METTL13: variants seen among roughly 807,000 people sequenced by gnomAD.
METTL13 encodes eEF1A lysine and N-terminal methyltransferase.
METTL13 carries 52 observed loss-of-function variants against 67.4 expected under a neutral mutation model. That is an observed-to-expected ratio of 0.77 (90% CI 0.62 to 0.97). METTL13 has a LOEUF of 0.97. METTL13 is among the 50% of genes least tolerant of loss of function. METTL13 has a pLI of 0.00. For missense variants in METTL13, 825 were observed against 889.6 expected (o/e 0.93, Z 0.92); for synonymous variants, 354 against 353.6 (o/e 1.00, Z -0.01).
chr1:171,785,878 G>T lies in METTL13; in HGVS notation c.914-1G>T, dbSNP rs1656990994. On this transcript the variant is annotated splice_acceptor_variant, in intron 2 of 7. Coordinates refer to ENST00000361735, the MANE Select transcript of METTL13 (RefSeq NM_015935.5). LOFTEE classifies it high-confidence loss of function. ...CCCTGTAACCAAGTTCTTTTTTCTAGTCCCTCAGGGCCGGGAGACCGAGTG... is the reference window on the plus strand; with the variant it reads ...CCCTGTAACCAAGTTCTTTTTTCTATTCCCTCAGGGCCGGGAGACCGAGTG... The T allele has an allele frequency of 6.2e-7, 1 of 1,612,164 alleles. No individual in the cohort carries two copies. Among genetic ancestry groups the T allele is most frequent in the Admixed American group, 1.7e-5 (1 of 59,924 alleles).
At chr1:171,788,741 G>A (rs181126615) in intron 4 of METTL13, among the ~76,000 whole-genome samples, 138 of 152,264 alleles carry the variant, frequency 9.1e-4, no homozygotes, top group Non-Finnish European at 1.7e-3. Context: ...TCACCTCTCC[G>A]TCTCCAGTGC....
At position 171,786,076 on chromosome 1, in the gene METTL13, C is replaced by G. The variant is rs191078913; in HGVS notation, c.1111C>G (p.Gln371Glu). 38 of 1,611,864 alleles carry G rather than the reference C, an allele frequency of 2.4e-5. 1 individual carries two copies. The African/African-American group carries it at 4.3e-4, about 18-fold the overall frequency. The change falls in exon 3 of 8, where the codon CAG (glutamine) becomes GAG (glutamate). Residue 371 changes from glutamine (Q) to glutamate (E), a missense_variant and splice_region_variant. Transcript: ENST00000361735. ...LAPAGMPTQQ[Q>E]VPFLSVGGDI... The stretch of plus-strand genomic sequence containing the variant: ...CCCAGCTGGGATGCCCACCCAGCAG[C>G]AGGTAACAAAGCTTTCGTACGGCTT...
At chr1:171,791,923 C>A in intron 5 of METTL13, 94 bp from the exon 6 acceptor site, 1 of 1,260,942 alleles carries the variant, frequency 7.9e-7, no homozygotes, top group Non-Finnish European at 1.1e-6. Context: ...TGAATGGAGA[C>A]AGTGAGCTGA....
At chr1:171,787,499 C>A (rs751472339) in intron 3 of METTL13, among the ~76,000 whole-genome samples, 5 of 152,246 alleles carry the variant, frequency 3.3e-5, no homozygotes, top group Admixed American at 1.3e-4. Flanking sequence ...AGCTGCATCT[C>A]ACTAGTTGTT....
chr1:171,789,430 G>A (rs905807233), intron 4 of METTL13, among the ~76,000 whole-genome samples: 2 of 152,122 alleles, frequency 1.3e-5, no homozygotes, highest in African/African-American at 4.8e-5. Flanking sequence ...GCAAAGGTTG[G>A]TAGTGCTACC....
At chr1:171,791,628 G>T (rs1425502885) in intron 5 of METTL13, among the ~76,000 whole-genome samples, 12 of 152,084 alleles carry the variant, frequency 7.9e-5, no homozygotes, top group Admixed American at 7.9e-4. Context: ...ACCATGCCCA[G>T]TTAATTTTTC....
rs1656908059 is a variant in METTL13, at chr1:171,783,874, C to T, written c.288C>T (p.Pro96=). The change falls in exon 2 of 8, where the codon CCC becomes CCT. Residue 96 remains proline (P), a synonymous_variant. Transcript: ENST00000361735. ...QMKECNATRR[P]QMSFLKMDMT... ...AGGAATGTAATGCCACCCGACGGCC[C>T]CAGATGAGCTTCTTGAAGATGGACA... 2 of 1,614,170 alleles carry T rather than the reference C, an allele frequency of 1.2e-6. No individual in the cohort carries two copies. The highest frequency in any genetic ancestry group is 2.2e-5 in the South Asian group (2 of 91,072).
intron 5 of METTL13, among the ~76,000 whole-genome samples, chr1:171,791,358 G>A (rs1203068477): frequency 1.3e-5 from 2 of 152,158 alleles, no homozygotes; most frequent in Admixed American, 6.5e-5. Context: ...CTGAGAAGAC[G>A]GTGTGGCCTT....
rs1190494891 is a variant in METTL13 at position 171,786,051 on chromosome 1, C to T, written c.1086C>T (p.Ala362=). 1 of 1,613,536 alleles carries T rather than the reference C, an allele frequency of 6.2e-7. No homozygotes were observed. Among genetic ancestry groups the T allele is most frequent in the Admixed American group, 1.7e-5 (1 of 59,992 alleles). Residue 362 remains alanine, a synonymous_variant, in exon 3 of 8, where the codon GCC becomes GCT. Transcript: ENST00000361735. ...TGTCGGCTAGAGTCATGGAGCTGGC[C>T]CCAGCTGGGATGCCCACCCAGCAGC... is the stretch of plus-strand genomic sequence containing the variant. ...AELSARVMEL[A]PAGMPTQQQV...
chr1:171,794,253 T>G, intron 6 of METTL13, 143 bp from the exon 7 acceptor site: 2 of 1,244,482 alleles, frequency 1.6e-6, no homozygotes, highest in Non-Finnish European at 2.2e-6. Context: ...ATCAGTGCCC[T>G]TACAGGCAAA....
At position 171,796,897 on chromosome 1, in the gene METTL13, T is replaced by C. The variant is rs1394074169; in HGVS notation, c.*141T>C. ...ACTCAGCTACATGTGACCTCCAGCTTGGTGAGGTTGCCTGAAGATTAGGGA... is the reference window on the plus strand; with the variant it reads ...ACTCAGCTACATGTGACCTCCAGCTCGGTGAGGTTGCCTGAAGATTAGGGA... On this transcript the variant is annotated 3_prime_UTR_variant, in exon 8 of 8. Transcript: ENST00000361735. The C allele has an allele frequency of 9.1e-7, 1 of 1,096,194 alleles. No homozygotes were observed. Among genetic ancestry groups the C allele is most frequent in the Non-Finnish European group, 1.3e-6 (1 of 779,328 alleles). The allele number at this position is 1,096,194 out of a possible 1,614,324, so 67.9% of individuals were successfully genotyped here.
intron 4 of METTL13, among the ~76,000 whole-genome samples, 187 bp from the exon 5 acceptor site, chr1:171,790,264 AG>A (rs778755678): frequency 1.3e-5 from 2 of 152,204 alleles, no homozygotes; most frequent in Non-Finnish European, 2.9e-5. Flanking sequence ...TGAGATTTGT[AG>A]GGGACAAACA....
Position 171,781,668 on chromosome 1 carries a change from A to G in METTL13, c.-300A>G. ...GAATCACGAGGCTTCGCACCCGGAT[A>G]TGGTTATGGGCTCGGAAATCTAGTT... is the stretch of plus-strand genomic sequence containing the variant. On this transcript the variant is annotated 5_prime_UTR_variant, in exon 1 of 8. The change creates a new upstream start codon in the 5' untranslated region. Transcript: ENST00000361735. The G allele has an allele frequency of 1.4e-6, 1 of 739,512 alleles. No homozygotes were observed. Among genetic ancestry groups the G allele is most frequent in the Non-Finnish European group, 1.8e-6 (1 of 560,590 alleles). 45.8% of individuals were successfully genotyped at this position (739,512 alleles called of 1,614,324 possible).
At chr1:171,790,686 T>C in intron 5 of METTL13, 70 bp downstream of exon 5, 1 of 1,358,880 alleles carries the variant, frequency 7.4e-7, no homozygotes. Flanking sequence ...TTGGTGTCAC[T>C]TGCATTGTAG....
At chr1:171,784,584 G>C in intron 2 of METTL13, 85 bp downstream of exon 2, 5 of 1,396,372 alleles carry the variant, frequency 3.6e-6, no homozygotes, top group Non-Finnish European at 4.6e-6. Flanking sequence ...CTGAGGCTGG[G>C]CTGGGGCTTT....
intron 6 of METTL13, among the ~76,000 whole-genome samples, chr1:171,792,436 A>G (rs1657239933): frequency 6.6e-6 from 1 of 152,260 alleles, no homozygotes; most frequent in South Asian, 2.1e-4. Context: ...ATGTAAAGCA[A>G]TAAGTAAAAC....
intron 1 of METTL13, 61 bp downstream of exon 1, chr1:171,782,181 G>T: frequency 6.9e-7 from 1 of 1,452,662 alleles, no homozygotes; most frequent in Non-Finnish European, 9.6e-7. Flanking sequence ...CTGGTAACAG[G>T]AATCTTGCAC....
intron 7 of METTL13, among the ~76,000 whole-genome samples, chr1:171,794,906 AAC>A (rs1657319209): frequency 1.3e-5 from 2 of 152,086 alleles, no homozygotes; most frequent in South Asian, 4.1e-4. Context: ...TGTAGCCTCA[AAC>A]TCCTGGTCTC....
chr1:171,782,883 A>G (rs1352987441), intron 1 of METTL13, among the ~76,000 whole-genome samples: 1 of 152,232 alleles, frequency 6.6e-6, no homozygotes, highest in Non-Finnish European at 1.5e-5. Flanking sequence ...GTGAGATTGT[A>G]CTGGAGGTAG....
Sources: gnomAD v4.1 joint callset for allele counts (sites outside exome capture counted in the v4.1 genomes callset) on GRCh38, gnomAD v4.1.1 for gene constraint, MANE v1.5 for transcripts, NCBI Gene and HGNC (gene_info 2026-07-23, HGNC 2026-07-21) for gene names.